Variants in CTNNA2 observed in about 807,000 individuals in gnomAD.
CTNNA2 encodes catenin alpha 2, also known as catenin alpha-2.
A neutral mutation model predicts 101.0 loss-of-function variants in CTNNA2; 42 were observed. The observed-to-expected ratio is 0.42, with a 90% CI of 0.32 to 0.54. CTNNA2 has a LOEUF of 0.54. Ranked by LOEUF, CTNNA2 falls within the 20% of genes least tolerant of loss-of-function variation. CTNNA2 has a pLI of 0.14. For synonymous variants in CTNNA2, 450 were observed against 456.4 expected (o/e 0.99, Z 0.18); for missense variants, 871 against 1,223.1 (o/e 0.71, Z 4.29).
At chr2:80,001,843 T>A (rs980061457) in intron 7 of CTNNA2, among the ~76,000 whole-genome samples, 2 of 152,188 alleles carry the variant, frequency 1.3e-5, no homozygotes, top group Non-Finnish European at 2.9e-5. Flanking sequence ...TTGGAAAACA[T>A]AAAGTGTGCT....
At chr2:79,442,788 CT>C (rs1398806399) in intron 4 of CTNNA2, among the ~76,000 whole-genome samples, 1 of 152,078 alleles carries the variant, frequency 6.6e-6, no homozygotes, top group Admixed American at 6.6e-5. Flanking sequence ...ATTACTTTGT[CT>C]GTTTGTATGA....
intron 7 of CTNNA2, among the ~76,000 whole-genome samples, chr2:80,360,429 G>A (rs762021943): frequency 5.3e-5 from 8 of 152,006 alleles, no homozygotes; most frequent in Non-Finnish European, 1.2e-4. Flanking sequence ...TTACACATCC[G>A]AGCAGTATAC....
chr2:80,497,987 A>G (rs1164544230), intron 9 of CTNNA2, among the ~76,000 whole-genome samples: 1 of 152,158 alleles, frequency 6.6e-6, no homozygotes, highest in Admixed American at 6.5e-5. Context: ...ACTCCTAACC[A>G]TGGAAACTGT....
At chr2:80,248,126 A>G (rs1238022890) in intron 7 of CTNNA2, among the ~76,000 whole-genome samples, 1 of 151,966 alleles carries the variant, frequency 6.6e-6, no homozygotes, top group Non-Finnish European at 1.5e-5. Context: ...GGACTAACTA[A>G]TGGGTGTCCC....
At chr2:79,746,199 A>AT (rs1455667212) in intron 3 of CTNNA2, among the ~76,000 whole-genome samples, 1 of 151,920 alleles carries the variant, frequency 6.6e-6, no homozygotes, top group Non-Finnish European at 1.5e-5. Context: ...GCATTTGACT[A>AT]TTTTTTTCGG....
intron 7 of CTNNA2, among the ~76,000 whole-genome samples, chr2:79,916,787 T>A (rs1244286240): frequency 6.6e-6 from 1 of 151,704 alleles, no homozygotes; most frequent in East Asian, 2.0e-4. Context: ...CACGCCCAGC[T>A]AATTTTTTGA....
At chr2:79,427,580 C>T (rs909180544) in intron 4 of CTNNA2, among the ~76,000 whole-genome samples, 1 of 151,524 alleles carries the variant, frequency 6.6e-6, no homozygotes, top group African/African-American at 2.4e-5. Flanking sequence ...AACCAACTGA[C>T]CCTGAATCTT....
intron 4 of CTNNA2, 135 bp from the exon 5 acceptor site, chr2:79,869,681 C>T: frequency 9.0e-7 from 1 of 1,106,486 alleles, no homozygotes; most frequent in Non-Finnish European, 1.2e-6. Context: ...TAGAGGAACT[C>T]TTCTCCTATT....
chr2:80,344,377 A>G (rs576271620), intron 7 of CTNNA2, among the ~76,000 whole-genome samples: 1 of 151,616 alleles, frequency 6.6e-6, no homozygotes, highest in East Asian at 1.9e-4. Flanking sequence ...TTTGTTGCTG[A>G]CTCCCAAATT....
intron 3 of CTNNA2, among the ~76,000 whole-genome samples, chr2:79,316,880 G>A (rs1292299817): frequency 6.6e-6 from 1 of 151,338 alleles, no homozygotes; most frequent in Non-Finnish European, 1.5e-5. Context: ...TTTCAAATTT[G>A]AATGCTATTT....
At chr2:79,214,805 A>C (rs1210293292) in intron 2 of CTNNA2, among the ~76,000 whole-genome samples, 1 of 152,130 alleles carries the variant, frequency 6.6e-6, no homozygotes, top group African/African-American at 2.4e-5. Context: ...GGAACTGGGC[A>C]GGTGGGGATA....
At chr2:79,793,569 A>G (rs1300215199) in intron 3 of CTNNA2, among the ~76,000 whole-genome samples, 1 of 152,154 alleles carries the variant, frequency 6.6e-6, no homozygotes, top group Non-Finnish European at 1.5e-5. Context: ...TACCCTCTCT[A>G]TCTTCCAAGG....
At position 79,251,674 on chromosome 2, in the gene CTNNA2, G is replaced by A. The variant is rs1378910937; in HGVS notation, c.-406+53598G>A. ...TGGTAAAGAACCGATGAAGACCTGA[G>A]GTCTGCCTATAGTCCTACCAACAAC... On this transcript the variant is annotated intron_variant, in intron 2 of 21. Coordinates refer to the CTNNA2 transcript ENST00000466387. 2.0e-5 allele frequency among the ~76,000 whole-genome samples: 3 copies of A among 152,050 alleles called. 1 individual carries two copies. The highest frequency in any genetic ancestry group is 4.4e-5 in the Non-Finnish European group (3 of 68,016).
At chr2:79,356,761 C>A (rs563919167) in intron 3 of CTNNA2, among the ~76,000 whole-genome samples, 1 of 152,192 alleles carries the variant, frequency 6.6e-6, no homozygotes, top group East Asian at 1.9e-4. Context: ...AAAAAGATAG[C>A]ACCATCCAGA....
At chr2:80,263,196 GGATTGGCGGCA>G (rs1448688921) in intron 7 of CTNNA2, among the ~76,000 whole-genome samples, 1 of 152,104 alleles carries the variant, frequency 6.6e-6, no homozygotes. Flanking sequence ...TTCACTTGAT[GGATTGGCGGCA>G]GATTGGGTAT....
At chr2:80,177,467 T>C (rs1197176084) in intron 7 of CTNNA2, among the ~76,000 whole-genome samples, 6 of 152,134 alleles carry the variant, frequency 3.9e-5, no homozygotes, top group African/African-American at 1.4e-4. Context: ...TGCCAGCAAA[T>C]TGGGCACTCA....
At chr2:79,227,271 A>G (rs1413325897) in intron 2 of CTNNA2, among the ~76,000 whole-genome samples, 4 of 152,202 alleles carry the variant, frequency 2.6e-5, no homozygotes, top group African/African-American at 4.8e-5. Context: ...GGGTCAACGT[A>G]TGCAATGAAC....
intron 2 of CTNNA2, among the ~76,000 whole-genome samples, chr2:79,214,292 G>A (rs949982022): frequency 2.0e-5 from 3 of 152,140 alleles, no homozygotes; most frequent in Admixed American, 6.5e-5. Context: ...GAGAGGCTGG[G>A]ATGAAGGGTG....
chr2:79,559,054 G>A (rs1364263143), intron 1 of CTNNA2, among the ~76,000 whole-genome samples: 1 of 151,736 alleles, frequency 6.6e-6, no homozygotes, highest in African/African-American at 2.4e-5. Context: ...ACCTATTATT[G>A]TAGGTGCTTA....
Sources: gnomAD v4.1 joint callset for allele counts (sites outside exome capture counted in the v4.1 genomes callset) on GRCh38, gnomAD v4.1.1 for gene constraint, MANE v1.5 for transcripts, NCBI Gene and HGNC (gene_info 2026-07-23, HGNC 2026-07-21) for gene names.